The following ABRAXAS1 variants were observed in gnomAD, a reference collection of about 807,000 sequenced individuals.
ABRAXAS1 encodes BRCA1-A complex subunit Abraxas 1.
In ABRAXAS1, 26 loss-of-function variants were observed where a neutral mutation model predicts 38.4. The observed-to-expected ratio is 0.68, with a 90% CI of 0.50 to 0.94. The LOEUF is 0.94. ABRAXAS1 is among the 40% of genes least tolerant of loss of function. ABRAXAS1 has a pLI of 0.00. For missense variants in ABRAXAS1, 438 were observed against 481.9 expected (o/e 0.91, Z 0.85); for synonymous variants, 144 against 165.5 (o/e 0.87, Z 1.00).
intron 1 of ABRAXAS1, among the ~76,000 whole-genome samples, chr4:83,482,672 G>C (rs1299590721): frequency 6.6e-6 from 1 of 152,206 alleles, no homozygotes; most frequent in African/African-American, 2.4e-5. Context: ...CTCCAGCCCA[G>C]GCGATAGAGT....
At position 83,463,842 on chromosome 4, in the gene ABRAXAS1, C is replaced by T. The variant is rs10516689; in HGVS notation, c.682-234G>A. 0.39 allele frequency: 112,576 copies of T among 290,664 alleles called. 24,147 individuals carry two copies. The highest frequency in any genetic ancestry group is 0.64 in the East Asian group (11,483 of 17,900). 18.0% of individuals were successfully genotyped at this position (290,664 alleles called of 1,614,324 possible). ...CACATGTAACTTCTCATTTATACAG[C>T]TTTTATCATGCCAGTTAGTTCGCTG... On this transcript the variant is annotated intron_variant, in intron 7 of 8. Transcript: ENST00000321945.
intron 8 of ABRAXAS1, among the ~76,000 whole-genome samples, 174 bp downstream of exon 8, chr4:83,463,320 C>T (rs902678476): frequency 3.9e-5 from 6 of 152,138 alleles, no homozygotes; most frequent in African/African-American, 9.7e-5. Context: ...GGAATCCCAG[C>T]GTTTCAGGAG....
At chr4:83,472,170 C>T (rs2110041327) in intron 4 of ABRAXAS1, 52 bp downstream of exon 4, 1 of 1,210,726 alleles carries the variant, frequency 8.3e-7, no homozygotes, top group South Asian at 1.5e-5. Flanking sequence ...TTTTTAAGAA[C>T]CAAAAACAAT....
In ABRAXAS1 at chr4:83,484,693, CAA is replaced by C. The variant is rs1034302451; in HGVS notation, c.87+291_87+292del. On this transcript the variant is annotated intron_variant, in intron 1 of 8. Transcript: ENST00000321945. ...CGTGAACTTTCCATCTTTTCACGCC[CAA>C]GTTTCCACAGCTACAGGGGCGCCGA... The C allele has an allele frequency of 8.2e-5, 25 of 305,134 alleles. No homozygotes were observed. The Admixed American group carries it at 1.2e-3, about 14-fold the overall frequency. The allele number at this position is 305,134 out of a possible 1,614,324, so 18.9% of individuals were successfully genotyped here.
rs545694267 is a variant in ABRAXAS1 at position 83,468,650 on chromosome 4, G to A, written c.596+382C>T. On this transcript the variant is annotated intron_variant, in intron 6 of 8. Coordinates refer to ENST00000321945, the MANE Select transcript of ABRAXAS1 (RefSeq NM_139076.3). Reference sequence around the variant, plus strand: ...TAGGCTATATACTTATTCTAACCTAGAATAGATATGCTAAACTTTACAGGA... The same window carrying A: ...TAGGCTATATACTTATTCTAACCTAAAATAGATATGCTAAACTTTACAGGA... 1.4e-4 allele frequency among the ~76,000 whole-genome samples: 21 copies of A among 152,156 alleles called. No homozygotes were observed. The East Asian group carries it at 4.1e-3, about 29-fold the overall frequency.
chr4:83,461,033 G>C lies in ABRAXAS1; in HGVS notation c.*1436C>G. 1 of 1,612,780 alleles carries C rather than the reference G, an allele frequency of 6.2e-7. No homozygotes were observed. Among genetic ancestry groups the C allele is most frequent in the Non-Finnish European group, 8.5e-7 (1 of 1,179,340 alleles). The stretch of plus-strand genomic sequence containing the variant: ...GCAATTAAGAGAGCTCAAATAATGG[G>C]TAAGAAAGAATACCTCAACAACTGA... On this transcript the variant is annotated 3_prime_UTR_variant, in exon 9 of 9. Transcript: ENST00000321945.
Position 83,478,027 on chromosome 4 carries a change from C to G in ABRAXAS1, c.179-1348G>C, listed in dbSNP as rs528905800. Reference sequence around the variant, plus strand: ...TCGATATATACCAACAGGAAGGCACCAGGGGTCTGTGGAGGAGTGTGGTTC... The same window carrying G: ...TCGATATATACCAACAGGAAGGCACGAGGGGTCTGTGGAGGAGTGTGGTTC... On this transcript the variant is annotated intron_variant, in intron 2 of 8. Transcript: ENST00000321945. 5 of 986,330 alleles carry G rather than the reference C, an allele frequency of 5.1e-6. No individual in the cohort carries two copies. The East Asian group carries it at 1.1e-4, about 22-fold the overall frequency. 61.1% of individuals were successfully genotyped at this position (986,330 alleles called of 1,614,324 possible).
In ABRAXAS1 at chr4:83,462,308, G is replaced by T; in HGVS notation, c.*161C>A. ...TCTGATGTTTGAAAAAGTACTTTGT[G>T]AAGTAAATGCACTAAGAGTTATCTG... On this transcript the variant is annotated 3_prime_UTR_variant, in exon 9 of 9. Transcript: ENST00000321945. The T allele has an allele frequency of 1.6e-6, 1 of 617,260 alleles. No individual in the cohort carries two copies. The highest frequency in any genetic ancestry group is 2.8e-6 in the Non-Finnish European group (1 of 362,090). The allele number at this position is 617,260 out of a possible 1,614,324, so 38.2% of individuals were successfully genotyped here. A position where few individuals can be genotyped will look rare whatever the true frequency, so the allele number is the denominator to read the frequency against.
intron 7 of ABRAXAS1, 184 bp from the exon 8 acceptor site, chr4:83,463,792 C>G (rs990068778): frequency 5.3e-6 from 2 of 378,414 alleles, no homozygotes; most frequent in Non-Finnish European, 9.3e-6. Context: ...TATAAATAAG[C>G]CTTATAGGTT....
chr4:83,483,292 T>G (rs982584958), intron 1 of ABRAXAS1, among the ~76,000 whole-genome samples: 36 of 151,408 alleles, frequency 2.4e-4, no homozygotes, highest in Non-Finnish European at 1.2e-4. Flanking sequence ...TTTTTTTTTT[T>G]TTTGAGAAGA....
rs562246383 is a variant in ABRAXAS1 at position 83,464,856 on chromosome 4, T to C, written c.682-1248A>G. Among the ~76,000 whole-genome samples, 60 of 152,284 alleles carry C rather than the reference T, an allele frequency of 3.9e-4. 1 individual carries two copies. The highest frequency in any genetic ancestry group is 7.5e-4 in the Non-Finnish European group (51 of 68,026). ...GATAGCAATGTGCAGACACAGAAAG[T>C]TCTATGGCATTCTAGCTCCTGGTTC... On this transcript the variant is annotated intron_variant, in intron 7 of 8. Transcript: ENST00000321945.
In ABRAXAS1 at chr4:83,470,334, C is replaced by T. The variant is rs762389463; in HGVS notation, c.345G>A (p.Arg115=). Residue 115 remains arginine (R), a synonymous_variant, in exon 5 of 9, where the codon AGG becomes AGA. Coordinates refer to ENST00000321945, the MANE Select transcript of ABRAXAS1 (RefSeq NM_139076.3). The part of the protein sequence containing the change: ...HSDQIMTFRE[R]LLHKNLQEHF... The stretch of plus-strand genomic sequence containing the variant: ...GCTCCTGCAAGTTTTTGTGAAGCAG[C>T]CTCTCTCTAAACGTCATGATCTGAT... 2 of 1,613,852 alleles carry T rather than the reference C, an allele frequency of 1.2e-6. No individual in the cohort carries two copies. The highest frequency in any genetic ancestry group is 1.1e-5 in the South Asian group (1 of 91,072).
In ABRAXAS1 at chr4:83,460,693, C is replaced by T; in HGVS notation, c.*1776G>A. The T allele has an allele frequency of 3.0e-6, 1 of 333,124 alleles. No homozygotes were observed. The highest frequency in any genetic ancestry group is 5.6e-6 in the Non-Finnish European group (1 of 178,132). The allele number at this position is 333,124 out of a possible 1,614,324, so 20.6% of individuals were successfully genotyped here. On this transcript the variant is annotated 3_prime_UTR_variant, in exon 9 of 9. Transcript: ENST00000321945. ...CTGAGGTGGGCAGATCACCTGAGGCCAGGAGTTCAGGACCAGCCTGGCCAA... is the reference window on the plus strand; with the variant it reads ...CTGAGGTGGGCAGATCACCTGAGGCTAGGAGTTCAGGACCAGCCTGGCCAA...
chr4:83,476,506 T>A, intron 3 of ABRAXAS1, 137 bp downstream of exon 3: 1 of 511,518 alleles, frequency 2.0e-6, no homozygotes, highest in Non-Finnish European at 3.4e-6. Context: ...TTCAGCTATT[T>A]AAAAAAAACT....
intron 1 of ABRAXAS1, among the ~76,000 whole-genome samples, chr4:83,482,454 TA>T (rs1723032264): frequency 6.6e-6 from 1 of 152,218 alleles, no homozygotes; most frequent in South Asian, 2.1e-4. Context: ...CTCACGCCTG[TA>T]ATCCTAGCAC....
intron 4 of ABRAXAS1, among the ~76,000 whole-genome samples, chr4:83,471,235 G>A (rs1722582174): frequency 8.7e-6 from 1 of 114,714 alleles, no homozygotes; most frequent in Admixed American, 1.2e-4. Context: ...AGACAGTCTG[G>A]CTCTGTTGCC....
intron 2 of ABRAXAS1, 44 bp downstream of exon 2, chr4:83,482,110 A>G: frequency 8.3e-7 from 1 of 1,205,724 alleles, no homozygotes; most frequent in Non-Finnish European, 1.2e-6. Flanking sequence ...TATCAAATAT[A>G]GGAGACACAG....
intron 2 of ABRAXAS1, among the ~76,000 whole-genome samples, chr4:83,478,602 C>T (rs113258601): frequency 4.3e-4 from 65 of 152,290 alleles, no homozygotes; most frequent in African/African-American, 1.6e-3. Context: ...TTTGTGTTAC[C>T]ATGTTAACTT....
rs2110033317 is a variant in ABRAXAS1, at chr4:83,462,844, C to G, written c.855G>C (p.Arg285=). ...QENIFLCQAL[R]TFFPNSEFLH... is the part of the protein sequence containing the mutation. ...GAAATTCAGAATTTGGAAAAAAGGT[C>G]CGTAATGCCTGACAAAGAAAAATGT... The change falls in exon 9 of 9, where the codon CGG becomes CGC. Residue 285 remains arginine (R), a synonymous_variant. Transcript: ENST00000321945. 4 of 1,608,004 alleles carry G rather than the reference C, an allele frequency of 2.5e-6. No homozygotes were observed. The highest frequency in any genetic ancestry group is 3.4e-6 in the Non-Finnish European group (4 of 1,178,046).
Sources: gnomAD v4.1 joint callset for allele counts (sites outside exome capture counted in the v4.1 genomes callset) on GRCh38, gnomAD v4.1.1 for gene constraint, MANE v1.5 for transcripts, NCBI Gene and HGNC (gene_info 2026-07-23, HGNC 2026-07-21) for gene names.